The following PCDHGB6 variants were observed in gnomAD, a reference collection of about 807,000 sequenced individuals.
PCDHGB6 encodes the protein protocadherin gamma subfamily B, 6.
Under a neutral mutation model 59.1 loss-of-function variants are expected in PCDHGB6, and 51 were observed. The observed-to-expected ratio is 0.86, with a 90% CI of 0.69 to 1.09. The LOEUF (loss-of-function observed/expected upper bound fraction) is 1.09, where lower values mean the gene tolerates loss of function less well. Ranked by LOEUF, PCDHGB6 falls within the 50% of genes least tolerant of loss-of-function variation. PCDHGB6 has a pLI of 0.00. For synonymous variants in PCDHGB6, 466 were observed against 495.1 expected (o/e 0.94, Z 0.78); for missense variants, 1,148 against 1,205.1 (o/e 0.95, Z 0.70).
intron 1 of PCDHGB6, chr5:141,414,528 C>T: frequency 6.2e-7 from 1 of 1,613,970 alleles, no homozygotes; most frequent in Non-Finnish European, 8.5e-7. Flanking sequence ...ATATCAATGA[C>T]AACCCACCTA....
chr5:141,409,357 T>A lies in PCDHGB6; in HGVS notation c.1155T>A (p.Asn385Lys). 2 of 1,613,968 alleles carry A rather than the reference T, an allele frequency of 1.2e-6. No individual in the cohort carries two copies. The highest frequency in any genetic ancestry group is 1.7e-6 in the Non-Finnish European group (2 of 1,179,886). Reference protein sequence around the residue: ...DFGGNGEVRCNIETDIPFKIY... With the variant: ...DFGGNGEVRCKIETDIPFKIY... Reference sequence around the variant, plus strand: ...GAGGAAATGGAGAAGTCAGGTGTAATATAGAAACAGACATTCCATTCAAGA... The same window carrying A: ...GAGGAAATGGAGAAGTCAGGTGTAAAATAGAAACAGACATTCCATTCAAGA... Residue 385 changes from asparagine (N) to lysine (K), a missense_variant, in exon 1 of 4, where the codon AAT (asparagine) becomes AAA (lysine). This residue lies in a region of PCDHGB6 where 549 missense variants were observed against 527.5 expected (regional missense o/e 1.04). Transcript: ENST00000520790.
In PCDHGB6 at chr5:141,489,362, C is replaced by T. The variant is rs1562129544; in HGVS notation, c.2419-5445C>T. 8 of 1,613,052 alleles carry T rather than the reference C, an allele frequency of 5.0e-6. No individual in the cohort carries two copies. Among genetic ancestry groups the T allele is most frequent in the South Asian group, 2.2e-5 (2 of 90,970 alleles). On this transcript the variant is annotated intron_variant, in intron 1 of 3. Coordinates refer to ENST00000520790, the MANE Select transcript of PCDHGB6 (RefSeq NM_018926.3). The surrounding 1 kb of genome is among the most constrained non-coding windows in gnomAD (Gnocchi z 4.5). ...TACTCAGTGGTGGAGGAGTCTGAGC[C>T]GGGGACGCTGGTGGGGAATGTTGCT...
At chr5:141,456,051 C>T (rs1592410743) in intron 1 of PCDHGB6, among the ~76,000 whole-genome samples, 1 of 151,998 alleles carries the variant, frequency 6.6e-6, no homozygotes, top group Non-Finnish European at 1.5e-5. Context: ...GCGCCCACCA[C>T]CACGTCCGGC....
At chr5:141,415,114 G>T in intron 1 of PCDHGB6, 5 of 1,613,648 alleles carry the variant, frequency 3.1e-6, no homozygotes, top group Non-Finnish European at 4.2e-6. Flanking sequence ...GCAAAGCCTC[G>T]TAGTGGCCGT....
chr5:141,433,091 A>G (rs1344906248), intron 1 of PCDHGB6: 2 of 1,614,182 alleles, frequency 1.2e-6, no homozygotes, highest in African/African-American at 1.3e-5. Flanking sequence ...CTATGCAGAC[A>G]TGCTCGTCAG....
intron 1 of PCDHGB6, among the ~76,000 whole-genome samples, chr5:141,434,285 T>G (rs1358981946): frequency 6.6e-6 from 1 of 152,232 alleles, no homozygotes; most frequent in Non-Finnish European, 1.5e-5. Context: ...GTATTCTCTG[T>G]TTTTCCTGTA....
chr5:141,487,452 T>A lies in PCDHGB6; in HGVS notation c.2419-7355T>A, dbSNP rs778695562. 40 of 1,614,046 alleles carry A rather than the reference T, an allele frequency of 2.5e-5. No homozygotes were observed. The highest frequency in any genetic ancestry group is 3.4e-5 in the Non-Finnish European group (40 of 1,180,004). On this transcript the variant is annotated intron_variant, in intron 1 of 3. Coordinates refer to ENST00000520790, the MANE Select transcript of PCDHGB6 (RefSeq NM_018926.3). This position sits in a 1 kb window ranked among gnomAD's most constrained non-coding sequence, Gnocchi z 5.0. ...ATCCAGCTAGGGTCAGATGACCCTA[T>A]CAAGTTTGTTGATGTGGGAGGCCAC... is the stretch of plus-strand genomic sequence containing the variant.
intron 1 of PCDHGB6, chr5:141,418,857 T>G (rs1378155402): frequency 6.2e-7 from 1 of 1,613,988 alleles, no homozygotes; most frequent in South Asian, 1.1e-5. Context: ...CGGTGTAAAG[T>G]AATTGTAGAA....
chr5:141,483,509 C>A (rs2099582178), intron 1 of PCDHGB6, among the ~76,000 whole-genome samples: 1 of 147,450 alleles, frequency 6.8e-6, no homozygotes, highest in African/African-American at 2.5e-5. Flanking sequence ...AGGCTGATCC[C>A]CCTAGATCCT....
intron 1 of PCDHGB6, among the ~76,000 whole-genome samples, chr5:141,444,175 TTTTTTTTTTTTTTG>T (rs2098423325): frequency 7.6e-6 from 1 of 131,192 alleles, no homozygotes; most frequent in African/African-American, 3.0e-5. Flanking sequence ...TTTTTTTTTT[TTTTTTTTTTTTTTG>T]AGATGGAGTT....
At chr5:141,500,184 TTTTATTTATTTA>T (rs58019021) in intron 2 of PCDHGB6, among the ~76,000 whole-genome samples, 197 of 135,960 alleles carry the variant, frequency 1.4e-3, no homozygotes, top group African/African-American at 3.6e-3. Context: ...TCATTTTTAT[TTTTATTTATTTA>T]TTTATTTATT....
intron 2 of PCDHGB6, among the ~76,000 whole-genome samples, chr5:141,495,663 G>T (rs756466649): frequency 6.6e-6 from 1 of 152,050 alleles, no homozygotes; most frequent in African/African-American, 2.4e-5. Context: ...GATCTGTGCC[G>T]CCCACTGTGC....
chr5:141,451,739 G>A (rs1343538104), intron 1 of PCDHGB6, among the ~76,000 whole-genome samples: 1 of 152,082 alleles, frequency 6.6e-6, no homozygotes, highest in East Asian at 1.9e-4. Flanking sequence ...AAAATTAGCT[G>A]GTCTGGTGGT....
intron 1 of PCDHGB6, chr5:141,427,834 C>A: frequency 6.5e-7 from 1 of 1,542,566 alleles, no homozygotes; most frequent in Non-Finnish European, 8.9e-7. Flanking sequence ...GCGCAGCGTG[C>A]CTTCGACCAC....
In PCDHGB6 at chr5:141,489,071, CA is replaced by C; in HGVS notation, c.2419-5735del. 3.1e-6 allele frequency: 1 copy of C among 326,700 alleles called. No homozygotes were observed. Among genetic ancestry groups the C allele is most frequent in the East Asian group, 5.9e-5 (1 of 17,012 alleles). 20.2% of individuals were successfully genotyped at this position (326,700 alleles called of 1,614,324 possible). A position where few individuals can be genotyped will look rare whatever the true frequency, so the allele number is the denominator to read the frequency against. On this transcript the variant is annotated intron_variant, in intron 1 of 3. Transcript: ENST00000520790. This position sits in a 1 kb window ranked among gnomAD's most constrained non-coding sequence, Gnocchi z 4.5. Reference sequence around the variant, plus strand: ...AAATTCAGCTCCCCTCCCCCCTGCCCACCCCCGCCACTCGGTGACTAAGAAC... The same window carrying C: ...AAATTCAGCTCCCCTCCCCCCTGCCCCCCCCGCCACTCGGTGACTAAGAAC...
intron 1 of PCDHGB6, among the ~76,000 whole-genome samples, chr5:141,430,253 T>G (rs2097270288): frequency 9.8e-6 from 1 of 102,050 alleles, no homozygotes; most frequent in Admixed American, 1.0e-4. Context: ...TAGGGAGACA[T>G]CTCCATAATA....
At position 141,510,979 on chromosome 5, in the gene PCDHGB6, G is replaced by T; in HGVS notation, c.2599G>T (p.Gly867Cys). 3.7e-6 allele frequency: 6 copies of T among 1,614,156 alleles called. No individual in the cohort carries two copies. Among genetic ancestry groups the T allele is most frequent in the Non-Finnish European group, 4.2e-6 (5 of 1,180,018 alleles). Residue 867 changes from glycine to cysteine, a missense_variant, in exon 4 of 4, where the codon GGT becomes TGT. Gly to Cys is a radical substitution (Grantham distance 159). This residue lies in a region of PCDHGB6 where 283 missense variants were observed against 318.6 expected (regional missense o/e 0.89). Coordinates refer to ENST00000520790, the MANE Select transcript of PCDHGB6 (RefSeq NM_018926.3). ...TGATGGGAGCTCCACCCTGGGAGGGGGTGCCGGCACCATGGGATTGAGCGC... is the reference window on the plus strand; with the variant it reads ...TGATGGGAGCTCCACCCTGGGAGGGTGTGCCGGCACCATGGGATTGAGCGC... Reference protein sequence around the residue: ...AADGSSTLGGGAGTMGLSARY... With the variant: ...AADGSSTLGGCAGTMGLSARY...
chr5:141,427,429 G>A (rs2097025761), intron 1 of PCDHGB6: 1 of 471,078 alleles, frequency 2.1e-6, no homozygotes, highest in African/African-American at 2.0e-5. Flanking sequence ...GAGGTTACAT[G>A]CCTCATAAAC....
chr5:141,479,676 G>A (rs2099503035), intron 1 of PCDHGB6: 1 of 152,242 alleles, frequency 6.6e-6, no homozygotes, highest in African/African-American at 2.4e-5. Context: ...CAAAAGGAGA[G>A]TCTTTTTGGT....
Sources: allele counts gnomAD v4.1 joint callset (sites outside exome capture counted in the v4.1 genomes callset), GRCh38; gene constraint gnomAD v4.1.1; regional missense constraint gnomAD v4.1.1; non-coding constraint Gnocchi (gnomAD v3.1); transcripts MANE v1.5; gene names NCBI Gene and HGNC (gene_info 2026-07-23, HGNC 2026-07-21).